SLC39A13: variants seen among roughly 807,000 people sequenced by gnomAD.
The protein encoded by SLC39A13 is zinc transporter ZIP13.
In SLC39A13, 18 loss-of-function variants were observed where a neutral mutation model predicts 38.7. The observed-to-expected ratio is 0.47, with a 90% CI of 0.32 to 0.69. SLC39A13 has a LOEUF of 0.69. Ranked by LOEUF, SLC39A13 falls within the 30% of genes least tolerant of loss-of-function variation. The pLI is 0.03. For synonymous variants in SLC39A13, 212 were observed against 219.1 expected (o/e 0.97, Z 0.29); for missense variants, 395 against 490.7 (o/e 0.80, Z 1.84).
chr11:47,413,766 T>C lies in SLC39A13; in HGVS notation c.735+80T>C. 3 of 1,477,642 alleles carry C rather than the reference T, an allele frequency of 2.0e-6. No individual in the cohort carries two copies. In the South Asian group the frequency reaches 3.6e-5, roughly 18 times the overall value. The allele number at this position is 1,477,642 out of a possible 1,614,324, so 91.5% of individuals were successfully genotyped here. On this transcript the variant is annotated intron_variant, in intron 6 of 9. Transcript: ENST00000362021. ...TTCCACCTGTGTCTGGAGTCTCTGC[T>C]TCTTGCCCCTCCATTGCCAGCGCCC...
At chr11:47,410,450 C>T (rs1019048343) in intron 2 of SLC39A13, 55 bp downstream of exon 2, 3 of 1,601,120 alleles carry the variant, frequency 1.9e-6, no homozygotes, top group East Asian at 2.2e-5. Context: ...AAGCATGCTG[C>T]TGCTCTTCTT....
At position 47,410,406 on chromosome 11, in the gene SLC39A13, C is replaced by T; in HGVS notation, c.301+11C>T. 1 of 1,613,720 alleles carries T rather than the reference C, an allele frequency of 6.2e-7. No homozygotes were observed. The highest frequency in any genetic ancestry group is 8.5e-7 in the Non-Finnish European group (1 of 1,179,972). On this transcript the variant is annotated intron_variant, in intron 2 of 9. Transcript: ENST00000362021. ...TGCTGCGCTCAGAAGGTAGGTGACT[C>T]TCCGGTGGCGCCCAGGGCTGGCCAG...
intron 6 of SLC39A13, chr11:47,414,164 C>T: frequency 4.9e-6 from 3 of 609,412 alleles, no homozygotes; most frequent in Non-Finnish European, 8.7e-6. Flanking sequence ...GGTTCCTGGG[C>T]CTGCTCCCCT....
chr11:47,408,421 C>T (rs1009290599), upstream of SLC39A13, among the ~76,000 whole-genome samples: 2 of 151,934 alleles, frequency 1.3e-5, no homozygotes, highest in African/African-American at 4.8e-5. Context: ...GAAGTGCGCC[C>T]TCTACCCGGG....
chr11:47,412,566 G>A (rs1007244900), intron 4 of SLC39A13, 99 bp downstream of exon 4: 27 of 1,589,924 alleles, frequency 1.7e-5, no homozygotes, highest in Non-Finnish European at 2.3e-5. Context: ...CTGAAAAGAG[G>A]GGTCTCCTGG....
In SLC39A13 at chr11:47,413,395, C is replaced by T. The variant is rs1196808708; in HGVS notation, c.538-5C>T. 6.2e-7 allele frequency: 1 copy of T among 1,614,006 alleles called. No individual in the cohort carries two copies. Among genetic ancestry groups the T allele is most frequent in the Admixed American group, 1.7e-5 (1 of 60,018 alleles). On this transcript the variant is annotated splice_region_variant and splice_polypyrimidine_tract_variant and intron_variant, in intron 4 of 9. Coordinates refer to ENST00000362021, the MANE Select transcript of SLC39A13 (RefSeq NM_001128225.3). The stretch of plus-strand genomic sequence containing the variant: ...GTCACCTCTCCCTCCTTCTCCTGGC[C>T]CTAGGCCCCCAACAAAGACCCCACT...
intron 4 of SLC39A13, 134 bp downstream of exon 4, chr11:47,412,601 T>C: frequency 6.7e-7 from 1 of 1,488,986 alleles, no homozygotes. Context: ...CTGCGGGAGG[T>C]TGGGCCACCT....
chr11:47,415,345 C>CTCGCTCT lies in SLC39A13; in HGVS notation c.1102_1108dup (p.Val370AlafsTer26), dbSNP rs1451864638. On this transcript the variant is annotated frameshift_variant, in exon 10 of 10. Transcript: ENST00000362021. LOFTEE classifies it high-confidence loss of function. ...CGGGCATCGTGGTAATGGTGCTGTT[C>CTCGCTCT]TCGCTCTTCGTGGATTAACTTTCCC... The CTCGCTCT allele has an allele frequency of 1.2e-6, 2 of 1,614,118 alleles. No homozygotes were observed. Among genetic ancestry groups the CTCGCTCT allele is most frequent in the South Asian group, 1.1e-5 (1 of 91,088 alleles).
At chr11:47,408,308 A>G (rs951503313), upstream of SLC39A13, among the ~76,000 whole-genome samples, 18 of 152,018 alleles carry the variant, frequency 1.2e-4, no homozygotes, top group Non-Finnish European at 2.5e-4. Context: ...CGGTCCCCGC[A>G]GAGCCGCCGC....
Position 47,411,955 on chromosome 11 carries a change from AG to A in SLC39A13, c.332del (p.Ser111ThrfsTer50). 6.2e-7 allele frequency: 1 copy of A among 1,613,884 alleles called. No homozygotes were observed. Among genetic ancestry groups the A allele is most frequent in the Non-Finnish European group, 8.5e-7 (1 of 1,179,956 alleles). ...GGCCTGGCGCCTGAAGCAGCTGCTC[AG>A]CTTCGCCCTGGGGGGACTCTTGGGC... Reference protein sequence around the residue: ...AGAWRLKQLLSFALGGLLGNV... With the variant: ...AGAWRLKQLLXFALGGLLGNV... On this transcript the variant is annotated frameshift_variant, in exon 3 of 10. Coordinates refer to ENST00000362021, the MANE Select transcript of SLC39A13 (RefSeq NM_001128225.3). LOFTEE classifies it high-confidence loss of function.
chr11:47,414,232 C>A, intron 6 of SLC39A13, 193 bp from the exon 7 acceptor site: 1 of 657,304 alleles, frequency 1.5e-6, no homozygotes, highest in Admixed American at 2.3e-5. Flanking sequence ...TGAGTCCTGT[C>A]TCTCCCCTCT....
chr11:47,414,089 T>C, intron 6 of SLC39A13: 1 of 609,282 alleles, frequency 1.6e-6, no homozygotes, highest in Non-Finnish European at 2.9e-6. Context: ...TGACGACTCA[T>C]CCTTGGGGCC....
rs943125598 is a variant in SLC39A13 at position 47,414,476 on chromosome 11, G to A, written c.786+1G>A. ...CCTCCTGCATGAGATCCCCCATGAGGTGAGCGCTTGTAGGGCAGCCCCCAG... is the reference window on the plus strand; with the variant it reads ...CCTCCTGCATGAGATCCCCCATGAGATGAGCGCTTGTAGGGCAGCCCCCAG... On this transcript the variant is annotated splice_donor_variant, in intron 7 of 9. Transcript: ENST00000362021. LOFTEE classifies it high-confidence loss of function. 1 of 1,612,088 alleles carries A rather than the reference G, an allele frequency of 6.2e-7. No homozygotes were observed. The highest frequency in any genetic ancestry group is 8.5e-7 in the Non-Finnish European group (1 of 1,179,346).
chr11:47,413,447 C>T lies in SLC39A13; in HGVS notation c.585C>T (p.Gly195=), dbSNP rs757941993. The T allele has an allele frequency of 7.4e-6, 12 of 1,614,148 alleles. 1 individual carries two copies. The South Asian group carries it at 1.3e-4, about 18-fold the overall frequency. The change falls in exon 5 of 10, where the codon GGC becomes GGT. Residue 195 remains glycine (G), a synonymous_variant. Transcript: ENST00000362021. ...CTGCTGCCGCCGCGCTCAATGGAGG[C>T]CACTGTCTGGCCCAGCCGGCTGCAG... The part of the protein sequence containing the change: ...PTAAAAALNG[G]HCLAQPAAEP...
intron 4 of SLC39A13, among the ~76,000 whole-genome samples, chr11:47,413,032 TA>T (rs1176128360): frequency 1.3e-5 from 2 of 150,358 alleles, no homozygotes; most frequent in Admixed American, 1.3e-4. Context: ...TTATTATTAT[TA>T]TTTTTTTGAG....
Position 47,410,251 on chromosome 11 carries a change from A to G in SLC39A13, c.157A>G (p.Ser53Gly), listed in dbSNP as rs749236723. The change falls in exon 2 of 10, where the codon AGC becomes GGC. Residue 53 changes from serine (S) to glycine (G), a missense_variant. Ser to Gly is a moderately conservative substitution (Grantham distance 56). Coordinates refer to ENST00000362021, the MANE Select transcript of SLC39A13 (RefSeq NM_001128225.3). ...ATACRLDNKE[S>G]ESWGALLSGE... The stretch of plus-strand genomic sequence containing the variant: ...GGCCTGTCGCCTGGACAACAAGGAA[A>G]GCGAGTCCTGGGGGGCTCTGCTGAG... 3 of 1,614,108 alleles carry G rather than the reference A, an allele frequency of 1.9e-6. No homozygotes were observed. Among genetic ancestry groups the G allele is most frequent in the African/African-American group, 2.7e-5 (2 of 75,036 alleles).
intron 6 of SLC39A13, 53 bp downstream of exon 6, chr11:47,413,739 G>T: frequency 1.3e-6 from 2 of 1,577,898 alleles, no homozygotes; most frequent in Non-Finnish European, 1.7e-6. Flanking sequence ...CAGCCATGTG[G>T]ATTCCACCTG....
At chr11:47,414,365 G>A in intron 6 of SLC39A13, 60 bp from the exon 7 acceptor site, 1 of 1,556,570 alleles carries the variant, frequency 6.4e-7, no homozygotes, top group South Asian at 1.2e-5. Context: ...GGAATGAGTG[G>A]GCGAGTGGGG....
intron 1 of SLC39A13, chr11:47,409,048 G>A (rs11039225): frequency 0.32 from 48,297 of 152,350 alleles, 8,387 homozygotes; most frequent in South Asian, 0.47. Flanking sequence ...AAGGCCTGGA[G>A]GTCCTAGACA....
Sources: gnomAD v4.1 joint callset for allele counts (sites outside exome capture counted in the v4.1 genomes callset) on GRCh38, gnomAD v4.1.1 for gene constraint, MANE v1.5 for transcripts, NCBI Gene and HGNC (gene_info 2026-07-23, HGNC 2026-07-21) for gene names.